Variants in DSCAM observed in about 807,000 individuals in gnomAD.
DSCAM encodes cell adhesion molecule DSCAM.
DSCAM carries 47 observed loss-of-function variants against 217.7 expected under a neutral mutation model. The ratio of observed to expected loss-of-function variants is 0.22; its 90% CI spans 0.17 to 0.28. The LOEUF is 0.28. DSCAM is among the 10% of genes least tolerant of loss of function. DSCAM has a pLI of 1.00. For missense variants in DSCAM, 2,080 were observed against 2,618.3 expected (o/e 0.79, Z 4.49); for synonymous variants, 1,056 against 1,015.3 (o/e 1.04, Z -0.76).
intron 1 of DSCAM, among the ~76,000 whole-genome samples, chr21:40,751,225 A>T (rs751835612): frequency 2.6e-5 from 4 of 151,924 alleles, no homozygotes; most frequent in Non-Finnish European, 4.4e-5. Context: ...AGCGAGACCG[A>T]CTCTAGCCTA....
chr21:40,700,786 G>T (rs1314938568), intron 2 of DSCAM, among the ~76,000 whole-genome samples: 1 of 150,240 alleles, frequency 6.7e-6, no homozygotes, highest in African/African-American at 2.5e-5. Context: ...ACACAGGCTG[G>T]AATGCAGTGG....
chr21:40,149,373 C>G (rs1259736621), intron 16 of DSCAM, among the ~76,000 whole-genome samples: 1 of 149,164 alleles, frequency 6.7e-6, no homozygotes, highest in East Asian at 2.0e-4. Context: ...TACTTCTTCA[C>G]TATCCCAACA....
intron 3 of DSCAM, among the ~76,000 whole-genome samples, chr21:40,628,743 A>G (rs940120985): frequency 1.3e-5 from 1 of 76,092 alleles, no homozygotes; most frequent in African/African-American, 5.3e-5. Flanking sequence ...CTATCTATCT[A>G]TCTATCTTTT....
chr21:40,388,105 G>A lies in DSCAM; in HGVS notation c.509-18860C>T, dbSNP rs772713376. On this transcript the variant is annotated intron_variant, in intron 3 of 32. Transcript: ENST00000400454. Reference sequence around the variant, plus strand: ...AAAAATGGCAGAAAAGCAATATTTGGGAAAACAATTTGGAAATTTCCCAGT... The same window carrying A: ...AAAAATGGCAGAAAAGCAATATTTGAGAAAACAATTTGGAAATTTCCCAGT... 4.3e-4 allele frequency among the ~76,000 whole-genome samples: 64 copies of A among 150,572 alleles called. 1 individual carries two copies. Among genetic ancestry groups the A allele is most frequent in the Non-Finnish European group, 6.3e-4 (43 of 67,862 alleles).
Position 40,549,516 on chromosome 21 carries a change from C to T in DSCAM, c.508+143294G>A, listed in dbSNP as rs550795066. On this transcript the variant is annotated intron_variant, in intron 3 of 32. Coordinates refer to ENST00000400454, the MANE Select transcript of DSCAM (RefSeq NM_001389.5). ...TTCTCTCAGCATCCATATGACCAAA[C>T]GAAATAAAACAAAGTTCCCTGATAT... 8.9e-4 allele frequency among the ~76,000 whole-genome samples: 136 copies of T among 152,200 alleles called. 1 individual carries two copies. The highest frequency in any genetic ancestry group is 3.0e-3 in the African/African-American group (123 of 41,536).
chr21:40,833,208 G>A (rs2092026356), intron 1 of DSCAM, among the ~76,000 whole-genome samples: 1 of 152,070 alleles, frequency 6.6e-6, no homozygotes, highest in South Asian at 2.1e-4. Context: ...CTCTTCAAGC[G>A]TTTCTCCACA....
At chr21:40,537,655 G>A (rs2076509901) in intron 3 of DSCAM, among the ~76,000 whole-genome samples, 1 of 152,064 alleles carries the variant, frequency 6.6e-6, no homozygotes, top group Admixed American at 6.5e-5. Flanking sequence ...GGAGAAATTT[G>A]GACACAGACA....
At chr21:40,403,629 G>GCGCA (rs374617687) in intron 3 of DSCAM, among the ~76,000 whole-genome samples, 36 of 145,788 alleles carry the variant, frequency 2.5e-4, no homozygotes, top group African/African-American at 5.9e-4. Flanking sequence ...GCATGCATGT[G>GCGCA]CACACACACA....
intron 3 of DSCAM, among the ~76,000 whole-genome samples, chr21:40,591,772 G>A (rs1392540503): frequency 1.3e-5 from 2 of 152,190 alleles, no homozygotes; most frequent in East Asian, 1.9e-4. Flanking sequence ...CATATGCCAA[G>A]TATACGTTGG....
chr21:40,155,936 C>T (rs906726395), intron 16 of DSCAM, among the ~76,000 whole-genome samples: 56 of 152,122 alleles, frequency 3.7e-4, no homozygotes, highest in African/African-American at 1.2e-3. Context: ...AAGCTGGAGG[C>T]CAAGGCAGGG....
intron 3 of DSCAM, among the ~76,000 whole-genome samples, chr21:40,551,989 G>A (rs1011214222): frequency 2.6e-5 from 4 of 152,138 alleles, no homozygotes; most frequent in African/African-American, 9.7e-5. Flanking sequence ...GGAGGCAGCT[G>A]ATGTAAAGAG....
At chr21:40,469,272 C>A (rs2075868990) in intron 3 of DSCAM, among the ~76,000 whole-genome samples, 1 of 152,100 alleles carries the variant, frequency 6.6e-6, no homozygotes, top group Non-Finnish European at 1.5e-5. Flanking sequence ...TCTTCTCATG[C>A]ATCCTTTCTC....
chr21:40,391,404 C>T (rs1048713218), intron 3 of DSCAM, among the ~76,000 whole-genome samples: 33 of 152,194 alleles, frequency 2.2e-4, no homozygotes, highest in Admixed American at 8.5e-4. Flanking sequence ...ATGTAAATTA[C>T]GTGCAAAGAA....
chr21:40,538,723 T>G (rs2076519525), intron 3 of DSCAM, among the ~76,000 whole-genome samples: 1 of 152,206 alleles, frequency 6.6e-6, no homozygotes, highest in South Asian at 2.1e-4. Context: ...AAGGCCGTGG[T>G]GTTCAAATCA....
chr21:40,147,596 T>A (rs975832415), intron 16 of DSCAM, among the ~76,000 whole-genome samples: 1 of 152,256 alleles, frequency 6.6e-6, no homozygotes, highest in African/African-American at 2.4e-5. Flanking sequence ...CTCATTTTGT[T>A]TTATAATAAA....
intron 20 of DSCAM, among the ~76,000 whole-genome samples, chr21:40,110,318 A>C (rs2089879612): frequency 6.6e-6 from 1 of 152,142 alleles, no homozygotes; most frequent in Admixed American, 6.5e-5. Context: ...TCTGGAGAGG[A>C]CCTCCAGCAA....
chr21:40,278,654 G>C (rs1408607120), intron 10 of DSCAM, among the ~76,000 whole-genome samples: 1 of 152,054 alleles, frequency 6.6e-6, no homozygotes, highest in South Asian at 2.1e-4. Context: ...AGGTGGGTTT[G>C]AGGTTACAGT....
chr21:40,376,521 T>TATCTTATATCGATATCTAAA (rs2074956544), intron 3 of DSCAM, among the ~76,000 whole-genome samples: 1 of 97,808 alleles, frequency 1.0e-5, no homozygotes, highest in African/African-American at 3.9e-5. Context: ...GATATCTATA[T>TATCTTATATCGATATCTAAA]ATCTTATATA....
At chr21:40,754,673 G>T (rs1474695734) in intron 1 of DSCAM, among the ~76,000 whole-genome samples, 1 of 152,180 alleles carries the variant, frequency 6.6e-6, no homozygotes, top group African/African-American at 2.4e-5. Flanking sequence ...CTTAGGGGAA[G>T]TGTTGCTACT....
Sources: allele counts gnomAD v4.1 joint callset (sites outside exome capture counted in the v4.1 genomes callset), GRCh38; gene constraint gnomAD v4.1.1; transcripts MANE v1.5; gene names NCBI Gene and HGNC (gene_info 2026-07-23, HGNC 2026-07-21).